The following SPON1 variants were observed in gnomAD, a reference collection of about 807,000 sequenced individuals.
SPON1 encodes spondin 1.
In SPON1, 52 loss-of-function variants were observed where a neutral mutation model predicts 111.7. The observed-to-expected ratio is 0.47, with a 90% CI of 0.37 to 0.59. The LOEUF is 0.59. SPON1 is among the 20% of genes least tolerant of loss of function. The pLI, the probability that SPON1 is intolerant of heterozygous loss-of-function variation, is 0.00. For synonymous variants in SPON1, 410 were observed against 395.8 expected, an observed-to-expected ratio of 1.04 and a Z score of -0.43; for missense variants, 957 against 1,068.5, an observed-to-expected ratio of 0.90 and a Z score of 1.46.
chr11:14,256,581 C>G, intron 9 of SPON1, 36 bp from the exon 10 acceptor site: 1 of 1,456,218 alleles, frequency 6.9e-7, no homozygotes, highest in Non-Finnish European at 9.6e-7. Flanking sequence ...CCTTCTTTCT[C>G]TCATGTGAGC....
At chr11:14,063,149 C>T (rs918708678) in intron 3 of SPON1, among the ~76,000 whole-genome samples, 8 of 152,174 alleles carry the variant, frequency 5.3e-5, no homozygotes, top group Non-Finnish European at 1.0e-4. Context: ...CATTGTCAAC[C>T]TTAGGATATA....
intron 1 of SPON1, 122 bp from the exon 2 acceptor site, chr11:13,982,725 T>C (rs1468060944): frequency 4.4e-6 from 3 of 684,074 alleles, no homozygotes; most frequent in African/African-American, 1.8e-5. Flanking sequence ...GCCTCAACAC[T>C]GTCCACGGCC....
chr11:14,236,914 A>T (rs1380158613), intron 6 of SPON1, among the ~76,000 whole-genome samples: 1 of 152,118 alleles, frequency 6.6e-6, no homozygotes, highest in Non-Finnish European at 1.5e-5. Flanking sequence ...GTCAGAGGAG[A>T]GGTGAGTCTC....
intron 5 of SPON1, among the ~76,000 whole-genome samples, chr11:14,108,220 A>G (rs1030057191): frequency 1.2e-4 from 19 of 152,206 alleles, no homozygotes; most frequent in East Asian, 3.8e-4. Context: ...GTTCGTCATT[A>G]TTATTTTAAA....
intron 2 of SPON1, among the ~76,000 whole-genome samples, chr11:13,995,519 C>T (rs1554911703): frequency 1.3e-5 from 2 of 152,138 alleles, no homozygotes. Context: ...CATCAGCTCT[C>T]GTGAGACCTG....
intron 6 of SPON1, among the ~76,000 whole-genome samples, chr11:14,180,250 CA>C (rs1233632633): frequency 2.0e-5 from 3 of 152,200 alleles, no homozygotes; most frequent in African/African-American, 7.2e-5. Context: ...AACAGTTTCT[CA>C]AAGATTCCAA....
intron 6 of SPON1, among the ~76,000 whole-genome samples, chr11:14,181,390 AG>A (rs1848233834): frequency 6.6e-6 from 1 of 152,180 alleles, no homozygotes; most frequent in Admixed American, 6.5e-5. Flanking sequence ...GATGGCAGGA[AG>A]TCAGTATCAG....
At chr11:14,098,283 G>A (rs573653588) in intron 5 of SPON1, among the ~76,000 whole-genome samples, 137 of 152,214 alleles carry the variant, frequency 9.0e-4, no homozygotes, top group African/African-American at 3.0e-3. Context: ...GGCGTGAGCC[G>A]GATGTTGGAT....
intron 5 of SPON1, among the ~76,000 whole-genome samples, chr11:14,082,804 T>C (rs1268004679): frequency 2.6e-5 from 4 of 152,266 alleles, no homozygotes; most frequent in African/African-American, 9.6e-5. Flanking sequence ...GATACTGTCT[T>C]GATAACCATT....
chr11:14,204,008 T>A (rs1554935931), intron 6 of SPON1, among the ~76,000 whole-genome samples: 1 of 152,156 alleles, frequency 6.6e-6, no homozygotes, highest in Non-Finnish European at 1.5e-5. Flanking sequence ...TCCAGGGTAT[T>A]TTTGCTATTA....
chr11:14,163,841 T>C (rs1394121338), intron 6 of SPON1, among the ~76,000 whole-genome samples: 1 of 151,264 alleles, frequency 6.6e-6, no homozygotes, highest in Non-Finnish European at 1.5e-5. Context: ...TCCAATTCCC[T>C]CCCCCGCTTT....
chr11:14,062,845 T>C (rs1479773538), intron 3 of SPON1, among the ~76,000 whole-genome samples: 3 of 152,262 alleles, frequency 2.0e-5, no homozygotes, highest in African/African-American at 7.2e-5. Context: ...AACAAAGCAG[T>C]GACCAGGACA....
At position 14,257,810 on chromosome 11, in the gene SPON1, C is replaced by T. The variant is rs553716195; in HGVS notation, c.1404C>T (p.Arg468=). Residue 468 remains arginine, a synonymous_variant, in exon 11 of 16, where the codon CGC becomes CGT. Transcript: ENST00000576479. The stretch of plus-strand genomic sequence containing the variant: ...ACAAAGGCAAGAGGATGCGACAGCG[C>T]ATGCTGAAAGCACAGCTGGACCTCA... ...TCDKGKRMRQ[R]MLKAQLDLSV... 8.7e-6 allele frequency: 14 copies of T among 1,609,836 alleles called. No individual in the cohort carries two copies. The highest frequency in any genetic ancestry group is 2.7e-5 in the African/African-American group (2 of 74,840).
intron 7 of SPON1, among the ~76,000 whole-genome samples, chr11:14,243,847 T>C: frequency 6.6e-6 from 1 of 152,166 alleles, no homozygotes; most frequent in East Asian, 1.9e-4. Context: ...TGCCCTTGAG[T>C]CAGGTGACCA....
rs1847629649 is a variant in SPON1, at chr11:14,139,646, T to C, written c.825+4078T>C. Among the ~76,000 whole-genome samples the C allele has an allele frequency of 2.0e-5, 3 of 151,758 alleles. No homozygotes were observed. The South Asian group carries it at 6.2e-4, about 31-fold the overall frequency. On this transcript the variant is annotated intron_variant, in intron 6 of 15. Coordinates refer to ENST00000576479, the MANE Select transcript of SPON1 (RefSeq NM_006108.4). ...CTAGGCATTGGAGATGCAGCAGTAA[T>C]TAAGAAAACTCCTTTCCTTCATGAG...
chr11:14,012,140 T>C lies in SPON1; in HGVS notation c.345+29187T>C, dbSNP rs182349772. Among the ~76,000 whole-genome samples the C allele has an allele frequency of 2.6e-5, 4 of 152,284 alleles. No homozygotes were observed. The East Asian group carries it at 7.7e-4, about 29-fold the overall frequency. ...CATAGGAGGGAGTTCGTTGACACTTTATCTCCTCTTTACCAGTTGGGACTT... is the reference window on the plus strand; with the variant it reads ...CATAGGAGGGAGTTCGTTGACACTTCATCTCCTCTTTACCAGTTGGGACTT... On this transcript the variant is annotated intron_variant, in intron 2 of 15. Coordinates refer to ENST00000576479, the MANE Select transcript of SPON1 (RefSeq NM_006108.4).
chr11:14,224,248 G>A (rs1848712776), intron 6 of SPON1, among the ~76,000 whole-genome samples: 1 of 152,146 alleles, frequency 6.6e-6, no homozygotes, highest in East Asian at 1.9e-4. Flanking sequence ...GGGGGTAACA[G>A]CAGTCCCTGA....
At chr11:14,185,355 G>C (rs1414021407) in intron 6 of SPON1, among the ~76,000 whole-genome samples, 1 of 152,156 alleles carries the variant, frequency 6.6e-6, no homozygotes, top group African/African-American at 2.4e-5. Flanking sequence ...TGTATGAACT[G>C]TTTTTCCTCT....
At chr11:14,015,538 C>T (rs908838789) in intron 2 of SPON1, among the ~76,000 whole-genome samples, 8 of 152,186 alleles carry the variant, frequency 5.3e-5, no homozygotes, top group Non-Finnish European at 1.2e-4. Context: ...ACCATAGCCA[C>T]AAGGAATGCT....
Sources: allele counts gnomAD v4.1 joint callset (sites outside exome capture counted in the v4.1 genomes callset), GRCh38; gene constraint gnomAD v4.1.1; transcripts MANE v1.5; gene names NCBI Gene and HGNC (gene_info 2026-07-23, HGNC 2026-07-21).